The following QTGAL variants were observed in gnomAD, a reference collection of about 807,000 sequenced individuals.
The protein encoded by QTGAL is BGnT-like protein 1.
the QTGAL span, chr17:83,014,626 G>A: frequency 2.3e-5 from 28 of 1,229,918 alleles, no homozygotes; most frequent in Non-Finnish European, 3.0e-5. Context: ...CACAATCATA[G>A]CTCACTGCAG....
At chr17:82,998,799 T>A in the QTGAL span, among the ~76,000 whole-genome samples, 2 of 151,920 alleles carry the variant, frequency 1.3e-5, no homozygotes, top group Non-Finnish European at 2.9e-5. Flanking sequence ...TGCAAACAAT[T>A]CAACACAAAA....
chr17:83,047,308 A>T, the QTGAL span, among the ~76,000 whole-genome samples: 1 of 151,630 alleles, frequency 6.6e-6, no homozygotes, highest in Non-Finnish European at 1.5e-5. Flanking sequence ...TGTCCTAATC[A>T]CCTCCCAAAG....
the QTGAL span, among the ~76,000 whole-genome samples, chr17:83,041,432 A>G: frequency 2.6e-5 from 4 of 152,394 alleles, no homozygotes; most frequent in African/African-American, 9.6e-5. Context: ...GAAGATTCGC[A>G]GCTAAACACA....
At chr17:83,015,161 G>A in the QTGAL span, among the ~76,000 whole-genome samples, 226 of 147,374 alleles carry the variant, frequency 1.5e-3, 1 homozygote, top group African/African-American at 5.6e-3. The surrounding 1 kb of genome is among the most constrained non-coding windows in gnomAD (Gnocchi z 4.4). Flanking sequence ...GGAGGGGACC[G>A]TCTGCGGTGA....
At chr17:82,956,767 T>A in the QTGAL span, 1 of 1,578,270 alleles carries the variant, frequency 6.3e-7, no homozygotes, top group Non-Finnish European at 8.6e-7. This position sits in a 1 kb window ranked among gnomAD's most constrained non-coding sequence, Gnocchi z 5.7. Context: ...GCTTGGGTCT[T>A]TCCTGAGAGT....
At chr17:82,962,722 TG>T in the QTGAL span, among the ~76,000 whole-genome samples, 1 of 152,204 alleles carries the variant, frequency 6.6e-6, no homozygotes, top group African/African-American at 2.4e-5. Context: ...TAAAGAGCAC[TG>T]GAACTCTCAA....
chr17:83,032,789 C>T, the QTGAL span, among the ~76,000 whole-genome samples: 1 of 152,102 alleles, frequency 6.6e-6, no homozygotes, highest in Non-Finnish European at 1.5e-5. Context: ...AGAAAGAGAC[C>T]CAGGCACCAG....
chr17:83,013,851 G>A, the QTGAL span, among the ~76,000 whole-genome samples: 538 of 152,304 alleles, frequency 3.5e-3, 2 homozygotes, highest in African/African-American at 0.01. Context: ...AAACTTGAGC[G>A]AGATCTCTGA....
the QTGAL span, among the ~76,000 whole-genome samples, chr17:83,034,437 T>G: frequency 1.1e-4 from 16 of 152,378 alleles, no homozygotes; most frequent in African/African-American, 3.6e-4. Context: ...CAACAACCTA[T>G]TGACCTTAAT....
the QTGAL span, among the ~76,000 whole-genome samples, chr17:82,986,674 T>C: frequency 6.6e-6 from 1 of 152,342 alleles, no homozygotes; most frequent in East Asian, 1.9e-4. Context: ...ACTCACTTAA[T>C]GGAATAGTTG....
At chr17:82,971,641 T>A in the QTGAL span, among the ~76,000 whole-genome samples, 5 of 128,912 alleles carry the variant, frequency 3.9e-5, 1 homozygote, top group African/African-American at 1.5e-4. Context: ...AAGGACCTGG[T>A]GCCGACCACA....
the QTGAL span, among the ~76,000 whole-genome samples, chr17:82,969,962 G>A: frequency 6.6e-6 from 1 of 152,116 alleles, no homozygotes; most frequent in Non-Finnish European, 1.5e-5. Flanking sequence ...CTCTGGGTGT[G>A]AGTCACCGTG....
At chr17:82,958,017 C>T in the QTGAL span, among the ~76,000 whole-genome samples, 1 of 152,112 alleles carries the variant, frequency 6.6e-6, no homozygotes, top group Admixed American at 6.5e-5. Flanking sequence ...CTTCCCATGA[C>T]CTGCTGCTCT....
chr17:82,967,381 C>T, the QTGAL span, among the ~76,000 whole-genome samples: 34 of 152,150 alleles, frequency 2.2e-4, no homozygotes, highest in African/African-American at 6.8e-4. Context: ...AACACAGCCT[C>T]GTCTCACTGT....
At chr17:83,051,706 A>G in the QTGAL span, 158,106 of 1,461,180 alleles carry the variant, frequency 0.11, 9,489 homozygotes, top group African/African-American at 0.21. Context: ...CCCAGCCTGC[A>G]CGGCGGGGCA....
chr17:82,946,724 G>A, the QTGAL span, among the ~76,000 whole-genome samples: 53 of 152,268 alleles, frequency 3.5e-4, no homozygotes, highest in Admixed American at 2.3e-3. Context: ...TTCTGAAGTC[G>A]TGAATTATAC....
the QTGAL span, among the ~76,000 whole-genome samples, chr17:82,960,159 A>C: frequency 6.6e-6 from 1 of 152,132 alleles, no homozygotes; most frequent in Non-Finnish European, 1.5e-5. Flanking sequence ...AGGAGTGAGG[A>C]TGATGCCCCC....
the QTGAL span, among the ~76,000 whole-genome samples, chr17:83,032,879 G>A: frequency 6.6e-5 from 10 of 152,184 alleles, no homozygotes; most frequent in East Asian, 1.9e-4. Flanking sequence ...GTTTTACCCC[G>A]TCTGCACACG....
chr17:82,942,296 C>G, the QTGAL span: 14 of 1,087,606 alleles, frequency 1.3e-5, no homozygotes, highest in Non-Finnish European at 1.9e-5. Flanking sequence ...AGCCACATAG[C>G]TCAGGCTGCC....
Sources: gnomAD v4.1 joint callset for allele counts (sites outside exome capture counted in the v4.1 genomes callset) on GRCh38, gnomAD v4.1.1 for gene constraint, Gnocchi (gnomAD v3.1) non-coding constraint, MANE v1.5 for transcripts, NCBI Gene and HGNC (gene_info 2026-07-23, HGNC 2026-07-21) for gene names.